SRPK1: variants seen among roughly 807,000 people sequenced by gnomAD.
SRPK1 encodes the protein SRSF protein kinase 1.
In SRPK1, 52 loss-of-function variants were observed where a neutral mutation model predicts 89.5. That is an observed-to-expected ratio of 0.58 (90% CI 0.46 to 0.73). The LOEUF (loss-of-function observed/expected upper bound fraction) is 0.73. Among genes scored for constraint, SRPK1 ranks in the 30% least tolerant of loss-of-function variants. The pLI, the probability that SRPK1 is intolerant of heterozygous loss-of-function variation, is 0.00. For synonymous variants in SRPK1, 255 were observed against 270.2 expected, an observed-to-expected ratio of 0.94 and a Z score of 0.55; for missense variants, 603 against 780.6, an observed-to-expected ratio of 0.77 and a Z score of 2.71.
At chr6:35,868,945 T>C in intron 12 of SRPK1, 65 bp downstream of exon 12, 1 of 1,299,984 alleles carries the variant, frequency 7.7e-7, no homozygotes, top group Non-Finnish European at 1.1e-6. Context: ...TTTGCATAAC[T>C]AAGTCCAAAT....
chr6:35,886,744 A>G lies in SRPK1; in HGVS notation c.458T>C (p.Ile153Thr). 1 of 1,603,930 alleles carries G rather than the reference A, an allele frequency of 6.2e-7. No individual in the cohort carries two copies. ...MVVQLLDDFK[I>T]SGVNGTHICM... ...GATACGTGTTCCATTAACTCCTGAT[A>G]TTTTAAAGTCATCTAGTAGTTGAAC... The change falls in exon 6 of 16, where the codon ATA becomes ACA. Residue 153 changes from isoleucine to threonine, a missense_variant. Coordinates refer to ENST00000373825, the MANE Select transcript of SRPK1 (RefSeq NM_003137.5).
At chr6:35,868,787 G>A (rs1036508629) in intron 12 of SRPK1, among the ~76,000 whole-genome samples, 2 of 152,118 alleles carry the variant, frequency 1.3e-5, no homozygotes, top group Non-Finnish European at 2.9e-5. Context: ...CTGGAGTGGG[G>A]TGGGGTAACA....
intron 4 of SRPK1, 40 bp from the exon 5 acceptor site, chr6:35,888,151 C>A: frequency 7.3e-7 from 1 of 1,377,608 alleles, no homozygotes; most frequent in African/African-American, 1.5e-5. Context: ...ACATAGCCTA[C>A]CCTTACTTTA....
intron 13 of SRPK1, among the ~76,000 whole-genome samples, chr6:35,844,010 T>G (rs1769374738): frequency 6.6e-6 from 1 of 150,600 alleles, no homozygotes; most frequent in East Asian, 1.9e-4. Flanking sequence ...CAGCAGTTTT[T>G]TTTTTTTTTT....
At chr6:35,866,279 C>T (rs554905118) in intron 12 of SRPK1, among the ~76,000 whole-genome samples, 2 of 152,076 alleles carry the variant, frequency 1.3e-5, no homozygotes, top group South Asian at 4.2e-4. Context: ...AAATCAGCAC[C>T]ATCTCTATAG....
At chr6:35,892,427 A>G (rs964331933) in intron 2 of SRPK1, among the ~76,000 whole-genome samples, 7 of 152,074 alleles carry the variant, frequency 4.6e-5, no homozygotes, top group African/African-American at 1.7e-4. Flanking sequence ...TGAGGCAGGT[A>G]GATCATTTGA....
At chr6:35,899,457 T>A (rs906034624) in intron 2 of SRPK1, among the ~76,000 whole-genome samples, 3 of 152,174 alleles carry the variant, frequency 2.0e-5, no homozygotes, top group African/African-American at 7.2e-5. Flanking sequence ...CTCCAGACAC[T>A]CCCAGAATGT....
At chr6:35,905,197 G>C (rs1457082344) in intron 2 of SRPK1, among the ~76,000 whole-genome samples, 1 of 152,074 alleles carries the variant, frequency 6.6e-6, no homozygotes. Context: ...ACAATCTGGA[G>C]AATCACATAA....
intron 6 of SRPK1, among the ~76,000 whole-genome samples, chr6:35,884,954 T>A (rs574423026): frequency 4.6e-5 from 7 of 152,202 alleles, no homozygotes; most frequent in African/African-American, 1.7e-4. Flanking sequence ...GAGCCGAGAT[T>A]ATGCCATTGA....
At chr6:35,889,863 C>A (rs762990928) in intron 3 of SRPK1, among the ~76,000 whole-genome samples, 6 of 151,598 alleles carry the variant, frequency 4.0e-5, no homozygotes, top group Non-Finnish European at 7.4e-5. Flanking sequence ...CTTTGGGAGG[C>A]TGAGGCAGAC....
At chr6:35,888,779 TCTAA>T (rs781280932) in intron 4 of SRPK1, 32 bp downstream of exon 4, 6 of 1,309,744 alleles carry the variant, frequency 4.6e-6, no homozygotes, top group Non-Finnish European at 5.5e-6. Flanking sequence ...TTAGACATCA[TCTAA>T]CTAATTCTTT....
Position 35,835,310 on chromosome 6 carries a change from G to A in SRPK1, c.1962C>T (p.Asn654=). The change falls in exon 16 of 16, where the codon AAC becomes AAT. Residue 654 remains asparagine (N), a synonymous_variant. Transcript: ENST00000373825. ...AAECLRHPWL[N]S is the part of the protein sequence containing the mutation. ...TGTGGTGCTGGGCAGGGGCTTAGGA[G>A]TTAAGCCAAGGGTGCCGGAGACACT... is the stretch of plus-strand genomic sequence containing the variant. 1 of 1,613,162 alleles carries A rather than the reference G, an allele frequency of 6.2e-7. No individual in the cohort carries two copies. Among genetic ancestry groups the A allele is most frequent in the Non-Finnish European group, 8.5e-7 (1 of 1,179,510 alleles).
chr6:35,845,100 T>C (rs867328654), intron 13 of SRPK1, among the ~76,000 whole-genome samples: 1 of 152,186 alleles, frequency 6.6e-6, no homozygotes, highest in Middle Eastern at 3.4e-3. Context: ...ATGGAGACAA[T>C]AAAAATATCA....
chr6:35,913,818 A>AAG (rs946647260), intron 2 of SRPK1, among the ~76,000 whole-genome samples: 1 of 151,506 alleles, frequency 6.6e-6, no homozygotes, highest in African/African-American at 2.4e-5. Flanking sequence ...AAAAAAATAA[A>AAG]AGAGAGAGAA....
At chr6:35,835,873 ACT>A (rs1345145216) in intron 15 of SRPK1, among the ~76,000 whole-genome samples, 1 of 151,962 alleles carries the variant, frequency 6.6e-6, no homozygotes, top group Non-Finnish European at 1.5e-5. Context: ...ATTTGCTTAT[ACT>A]CTTTTTTTGT....
Position 35,896,176 on chromosome 6 carries a change from C to T in SRPK1, c.75-5163G>A, listed in dbSNP as rs746768519. 4.6e-5 allele frequency among the ~76,000 whole-genome samples: 7 copies of T among 152,100 alleles called. No individual in the cohort carries two copies. In the South Asian group the frequency reaches 1.2e-3, roughly 27 times the overall value. On this transcript the variant is annotated intron_variant, in intron 2 of 15. Coordinates refer to ENST00000373825, the MANE Select transcript of SRPK1 (RefSeq NM_003137.5). ...CTGGGCTTGCAACTGGCACTGGAAA[C>T]GGGGGAGAGGCAGTCTTGAGGAGTG...
chr6:35,836,330 T>C (rs1769179793), intron 15 of SRPK1, among the ~76,000 whole-genome samples: 2 of 151,542 alleles, frequency 1.3e-5, no homozygotes, highest in Non-Finnish European at 1.5e-5. Flanking sequence ...ACAAAACCAG[T>C]CCCTGGTGCC....
At position 35,888,905 on chromosome 6, in the gene SRPK1, T is replaced by C; in HGVS notation, c.212A>G (p.Lys71Arg). 2 of 1,612,034 alleles carry C rather than the reference T, an allele frequency of 1.2e-6. No individual in the cohort carries two copies. Among genetic ancestry groups the C allele is most frequent in the Non-Finnish European group, 1.7e-6 (2 of 1,178,300 alleles). ...DYCKGGYHLV[K>R]IGDLFNGRYH... ...TCTCCCATTGAATAGATCTCCAATTTTCACAAGATGATAACCTCCTGGAAG... is the reference window on the plus strand; with the variant it reads ...TCTCCCATTGAATAGATCTCCAATTCTCACAAGATGATAACCTCCTGGAAG... Residue 71 changes from lysine (K) to arginine (R), a missense_variant, in exon 4 of 16, where the codon AAA (lysine) becomes AGA (arginine). Lys to Arg is a conservative substitution (Grantham distance 26). Transcript: ENST00000373825.
chr6:35,893,126 C>T (rs1770555110), intron 2 of SRPK1, among the ~76,000 whole-genome samples: 2 of 152,222 alleles, frequency 1.3e-5, no homozygotes, highest in Non-Finnish European at 2.9e-5. Context: ...TGAAGAACAA[C>T]ATTCTCCAAT....
Sources: gnomAD v4.1 joint callset for allele counts (sites outside exome capture counted in the v4.1 genomes callset) on GRCh38, gnomAD v4.1.1 for gene constraint, MANE v1.5 for transcripts, NCBI Gene and HGNC (gene_info 2026-07-23, HGNC 2026-07-21) for gene names.